Variants in MGAT5 observed in about 807,000 individuals in gnomAD.
MGAT5 encodes alpha-1,6-mannosylglycoprotein 6-beta-N-acetylglucosaminyltransferase, also known as alpha-1,6-mannosylglycoprotein 6-beta-N-acetylglucosaminyltransferase A.
A neutral mutation model predicts 94.3 loss-of-function variants in MGAT5; 30 were observed. That is an observed-to-expected ratio of 0.32 (90% CI 0.24 to 0.43). MGAT5 has a LOEUF of 0.43. MGAT5 is among the 20% of genes least tolerant of loss of function. The pLI is 1.00. For synonymous variants in MGAT5, 310 were observed against 322.9 expected, an observed-to-expected ratio of 0.96 and a Z score of 0.43; for missense variants, 691 against 905.5, an observed-to-expected ratio of 0.76 and a Z score of 3.04.
In MGAT5 at chr2:134,188,601, A is replaced by G. The variant is rs1052844687; in HGVS notation, c.-142-65661A>G. Among the ~76,000 whole-genome samples, 10 of 152,346 alleles carry G rather than the reference A, an allele frequency of 6.6e-5. No homozygotes were observed. The East Asian group carries it at 1.9e-3, about 29-fold the overall frequency. On this transcript the variant is annotated intron_variant, in intron 1 of 16. Coordinates refer to the MGAT5 transcript ENST00000409645. ...ACAGTTGGCATAAATATTGGCAGGT[A>G]AAAGTTGTGTTATTTGGACCTGAGT...
At chr2:134,311,254 A>G (rs995958939) in intron 2 of MGAT5, among the ~76,000 whole-genome samples, 2 of 151,844 alleles carry the variant, frequency 1.3e-5, no homozygotes, top group Non-Finnish European at 2.9e-5. Flanking sequence ...TTTTTCTTCT[A>G]TTTTTTTCTT....
intron 14 of MGAT5, among the ~76,000 whole-genome samples, chr2:134,433,734 C>T (rs1018033139): frequency 6.6e-6 from 1 of 152,116 alleles, no homozygotes; most frequent in Non-Finnish European, 1.5e-5. Flanking sequence ...CCCTGGATTT[C>T]TCAGCTGTAA....
chr2:134,251,347 C>CTTGGCGCT (rs1478745828), upstream of MGAT5, among the ~76,000 whole-genome samples: 1 of 152,188 alleles, frequency 6.6e-6, no homozygotes, highest in Non-Finnish European at 1.5e-5. Context: ...TCAATATAGA[C>CTTGGCGCT]TTGGCGCGGA....
intron 10 of MGAT5, among the ~76,000 whole-genome samples, chr2:134,392,931 C>G (rs368826344): frequency 3.9e-5 from 6 of 152,262 alleles, no homozygotes; most frequent in African/African-American, 1.4e-4. Context: ...CCACACCACA[C>G]GAAGGCATTG....
chr2:134,381,382 T>TTAGA (rs61246431), intron 10 of MGAT5, among the ~76,000 whole-genome samples: 7,561 of 108,434 alleles, frequency 0.07, 426 homozygotes, highest in East Asian at 0.11. Context: ...ATAAGATAGA[T>TTAGA]TAGATAGATA....
intron 1 of MGAT5, among the ~76,000 whole-genome samples, chr2:134,181,948 TGAA>T (rs1165327610): frequency 1.3e-5 from 2 of 152,218 alleles, no homozygotes; most frequent in African/African-American, 4.8e-5. Context: ...CAATTTAAGG[TGAA>T]GAAACAGAAC....
chr2:134,431,812 G>A (rs1332794436), intron 14 of MGAT5, among the ~76,000 whole-genome samples: 1 of 152,186 alleles, frequency 6.6e-6, no homozygotes, highest in Non-Finnish European at 1.5e-5. Flanking sequence ...AGCAATCGAG[G>A]GCACGCCGGG....
intron 1 of MGAT5, among the ~76,000 whole-genome samples, chr2:134,229,753 A>C (rs1681257820): frequency 6.6e-6 from 1 of 152,208 alleles, no homozygotes; most frequent in Non-Finnish European, 1.5e-5. Flanking sequence ...ATGGGAGAAA[A>C]TATTTGCAAA....
chr2:134,202,732 A>G (rs1679851545), intron 1 of MGAT5, among the ~76,000 whole-genome samples: 1 of 152,244 alleles, frequency 6.6e-6, no homozygotes, highest in Admixed American at 6.5e-5. Context: ...GACATTCTTT[A>G]ATCCTATACG....
At chr2:134,336,421 C>T (rs1415486546) in intron 5 of MGAT5, 133 bp downstream of exon 5, 2 of 694,330 alleles carry the variant, frequency 2.9e-6, no homozygotes, top group Non-Finnish European at 4.8e-6. Context: ...GTATTCGTCT[C>T]TGTGGAAGTC....
At chr2:134,220,375 A>AT (rs1429131405) in intron 1 of MGAT5, among the ~76,000 whole-genome samples, 1 of 152,112 alleles carries the variant, frequency 6.6e-6, no homozygotes, top group African/African-American at 2.4e-5. Flanking sequence ...CTCAGATAAA[A>AT]GGCACACAAG....
chr2:134,428,485 C>T (rs765602303), intron 14 of MGAT5, 46 bp downstream of exon 14: 9 of 1,544,832 alleles, frequency 5.8e-6, no homozygotes, highest in African/African-American at 5.4e-5. Flanking sequence ...GTACTGCTTC[C>T]TGTGACGCCA....
rs907575804 is a variant in MGAT5, at chr2:134,262,294, C to T, written c.241+7650C>T. On this transcript the variant is annotated intron_variant, in intron 1 of 15. Transcript: ENST00000281923. ...TTGCTCTGTCACCAAGGCTGAAGTA[C>T]AGTAGTGTGATCAGGCTCTAGCAAC... is the stretch of plus-strand genomic sequence containing the variant. 5.3e-5 allele frequency among the ~76,000 whole-genome samples: 8 copies of T among 152,122 alleles called. No homozygotes were observed. In the East Asian group the frequency reaches 7.7e-4, roughly 15 times the overall value.
At chr2:134,219,354 G>A (rs1166596620) in intron 1 of MGAT5, among the ~76,000 whole-genome samples, 1 of 151,872 alleles carries the variant, frequency 6.6e-6, no homozygotes, top group Non-Finnish European at 1.5e-5. Flanking sequence ...AGCCCACCTG[G>A]GCCAGGTGGG....
At chr2:134,174,898 T>C (rs1441619780) in intron 1 of MGAT5, among the ~76,000 whole-genome samples, 3 of 152,348 alleles carry the variant, frequency 2.0e-5, no homozygotes, top group Middle Eastern at 6.8e-3. Context: ...GTGCTTTGCC[T>C]GTGATGCATG....
At position 134,291,490 on chromosome 2, in the gene MGAT5, G is replaced by A. The variant is rs144866374; in HGVS notation, c.406+20940G>A. On this transcript the variant is annotated intron_variant, in intron 2 of 15. Coordinates refer to ENST00000281923, the MANE Select transcript of MGAT5 (RefSeq NM_002410.5). ...GTTATAGCAGCCCAGACTAAGACAA[G>A]GTACGTTTAGGATGGGGAAGGCCTC... Among the ~76,000 whole-genome samples, 76 of 152,238 alleles carry A rather than the reference G, an allele frequency of 5.0e-4. No homozygotes were observed. The East Asian group carries it at 0.012, about 24-fold the overall frequency.
At position 134,255,488 on chromosome 2, in the gene MGAT5, TATATATACAC is replaced by T. The variant is rs542939598; in HGVS notation, c.241+862_241+871del. Among the ~76,000 whole-genome samples the T allele has an allele frequency of 2.6e-3, 386 of 149,506 alleles. 1 individual carries two copies. The highest frequency in any genetic ancestry group is 8.5e-3 in the African/African-American group (348 of 40,892). Reference sequence around the variant, plus strand: ...ATATACATATATATACATATATACATATATATACACATATATACACATATATATATACACA... The same window carrying T: ...ATATACATATATATACATATATACATATATATACACATATATATATACACA... On this transcript the variant is annotated intron_variant, in intron 1 of 15. Coordinates refer to ENST00000281923, the MANE Select transcript of MGAT5 (RefSeq NM_002410.5).
chr2:134,398,456 G>T (rs1317155423), intron 10 of MGAT5, among the ~76,000 whole-genome samples: 1 of 152,168 alleles, frequency 6.6e-6, no homozygotes. Context: ...TTTAATGACA[G>T]GTCATAAGGT....
At chr2:134,221,683 C>T (rs929196711) in intron 1 of MGAT5, among the ~76,000 whole-genome samples, 1 of 152,098 alleles carries the variant, frequency 6.6e-6, no homozygotes, top group Non-Finnish European at 1.5e-5. Flanking sequence ...TTTTTATTTT[C>T]TTGCTTGTTA....
Sources: gnomAD v4.1 joint callset for allele counts (sites outside exome capture counted in the v4.1 genomes callset) on GRCh38, gnomAD v4.1.1 for gene constraint, MANE v1.5 for transcripts, NCBI Gene and HGNC (gene_info 2026-07-23, HGNC 2026-07-21) for gene names.